FER1L6: variants seen among roughly 807,000 people sequenced by gnomAD.
FER1L6 encodes fer-1-like protein 6.
Under a neutral mutation model 219.2 loss-of-function variants are expected in FER1L6, and 177 were observed. The observed-to-expected ratio is 0.81, with a 90% CI of 0.71 to 0.91. The LOEUF is 0.91. Ranked by LOEUF, FER1L6 falls within the 40% of genes least tolerant of loss-of-function variation. The pLI, the probability that FER1L6 is intolerant of heterozygous loss-of-function variation, is 0.00. For synonymous variants in FER1L6, 768 were observed against 824.3 expected (o/e 0.93, Z 1.17); for missense variants, 2,153 against 2,259.9 (o/e 0.95, Z 0.96).
chr8:123,939,260 T>G, intron 1 of FER1L6: 1 of 905,364 alleles, frequency 1.1e-6, no homozygotes, highest in South Asian at 5.1e-5. Flanking sequence ...ACTTTTGTAT[T>G]TTTGATAAAT....
chr8:123,974,503 G>A (rs745515624), intron 7 of FER1L6, among the ~76,000 whole-genome samples: 4 of 151,464 alleles, frequency 2.6e-5, no homozygotes, highest in Non-Finnish European at 5.9e-5. Flanking sequence ...GGGCGTGATG[G>A]TGCACACCTG....
At chr8:124,041,794 T>C (rs1466267453) in intron 20 of FER1L6, among the ~76,000 whole-genome samples, 1 of 152,186 alleles carries the variant, frequency 6.6e-6, no homozygotes, top group Non-Finnish European at 1.5e-5. Flanking sequence ...TGAGAGTTAG[T>C]ATAGAGCATG....
intron 1 of FER1L6, among the ~76,000 whole-genome samples, chr8:123,906,411 T>A (rs186834723): frequency 1.3e-5 from 2 of 152,302 alleles, no homozygotes; most frequent in Admixed American, 1.3e-4. Flanking sequence ...ATATCCAATA[T>A]GGCTTATTCC....
chr8:124,017,520 C>A, intron 15 of FER1L6, 108 bp from the exon 16 acceptor site: 1 of 781,884 alleles, frequency 1.3e-6, no homozygotes, highest in South Asian at 2.0e-5. Flanking sequence ...GGTTTTATGG[C>A]TTCAAAAGCT....
chr8:124,089,878 T>G (rs1377224157), intron 33 of FER1L6, among the ~76,000 whole-genome samples: 1 of 152,236 alleles, frequency 6.6e-6, no homozygotes, highest in East Asian at 1.9e-4. Context: ...TTAGATATTC[T>G]TTATAATCAT....
chr8:124,010,803 C>T, intron 14 of FER1L6, 89 bp downstream of exon 14: 1 of 1,518,198 alleles, frequency 6.6e-7, no homozygotes, highest in Admixed American at 1.9e-5. Flanking sequence ...AGGATGTTGA[C>T]CTCAGTTCAA....
In FER1L6 at chr8:124,017,704, T is replaced by C. The variant is rs375955587; in HGVS notation, c.1999T>C (p.Cys667Arg). 18 of 1,613,454 alleles carry C rather than the reference T, an allele frequency of 1.1e-5. No homozygotes were observed. In the African/African-American group the frequency reaches 1.3e-4, roughly 12 times the overall value. The change falls in exon 16 of 41, where the codon TGC (cysteine) becomes CGC (arginine). Residue 667 changes from cysteine (C) to arginine (R), a missense_variant. Coordinates refer to ENST00000522917, the MANE Select transcript of FER1L6 (RefSeq NM_001039112.2). Reference sequence around the variant, plus strand: ...TTTAGATAAGAAGCGACTTACGCTCTGCTGGCAGGAGCTGGTATGTGAAAA... The same window carrying C: ...TTTAGATAAGAAGCGACTTACGCTCCGCTGGCAGGAGCTGGTATGTGAAAA... ...TTLDKKRLTL[C>R]WQELEAMCKE...
intron 22 of FER1L6, among the ~76,000 whole-genome samples, chr8:124,057,014 A>C (rs767887589): frequency 2.0e-5 from 3 of 152,192 alleles, no homozygotes; most frequent in South Asian, 4.1e-4. Context: ...TCTGCACTCC[A>C]GCCTGGGTGA....
intron 18 of FER1L6, among the ~76,000 whole-genome samples, chr8:124,025,392 C>A (rs900164517): frequency 2.0e-5 from 3 of 152,128 alleles, no homozygotes; most frequent in African/African-American, 7.2e-5. Context: ...CATTCTTCTA[C>A]ATGTGGCTAT....
At chr8:124,117,182 G>A (rs895627003) in intron 39 of FER1L6, among the ~76,000 whole-genome samples, 1 of 152,190 alleles carries the variant, frequency 6.6e-6, no homozygotes, top group African/African-American at 2.4e-5. Context: ...TGGTTGGCTT[G>A]TTGCCTGTGT....
intron 1 of FER1L6, among the ~76,000 whole-genome samples, chr8:123,880,189 C>G (rs2129658712): frequency 1.3e-5 from 2 of 152,280 alleles, no homozygotes; most frequent in South Asian, 4.2e-4. Flanking sequence ...TCCCTCCACT[C>G]TTCCCAGATG....
intron 1 of FER1L6, among the ~76,000 whole-genome samples, chr8:123,954,805 T>C (rs929487067): frequency 6.6e-6 from 1 of 152,216 alleles, no homozygotes; most frequent in African/African-American, 2.4e-5. Context: ...AGACTGTGAT[T>C]GTTCCGCTGC....
At chr8:123,966,425 T>A in intron 5 of FER1L6, 135 bp downstream of exon 5, 1 of 1,111,452 alleles carries the variant, frequency 9.0e-7, no homozygotes, top group South Asian at 1.6e-5. Context: ...CATGGCAAAC[T>A]GATTCTTCTT....
chr8:124,067,689 G>T, intron 27 of FER1L6, 78 bp from the exon 28 acceptor site: 1 of 1,256,352 alleles, frequency 8.0e-7, no homozygotes, highest in Admixed American at 1.8e-5. Flanking sequence ...TGGGAATGCA[G>T]AGGGCTGAGA....
At chr8:124,108,903 A>AAGGG (rs1242727252) in intron 39 of FER1L6, among the ~76,000 whole-genome samples, 7 of 151,354 alleles carry the variant, frequency 4.6e-5, no homozygotes, top group Non-Finnish European at 8.8e-5. Flanking sequence ...AGAAAAGAAA[A>AAGGG]AGGGAGGGAG....
At chr8:123,915,471 G>A (rs4355755) in intron 1 of FER1L6, among the ~76,000 whole-genome samples, 49,804 of 151,886 alleles carry the variant, frequency 0.33, 8,652 homozygotes, top group East Asian at 0.45. Context: ...TGTGAGTTCA[G>A]ACAAGGGACA....
At chr8:124,063,618 C>T (rs1820692589) in intron 25 of FER1L6, among the ~76,000 whole-genome samples, 1 of 152,158 alleles carries the variant, frequency 6.6e-6, no homozygotes, top group South Asian at 2.1e-4. Flanking sequence ...TCTGAGATTT[C>T]TAGTCTGTCT....
intron 16 of FER1L6, among the ~76,000 whole-genome samples, chr8:124,019,837 C>A (rs745996823): frequency 2.6e-5 from 4 of 152,104 alleles, no homozygotes; most frequent in Non-Finnish European, 4.4e-5. Flanking sequence ...TTCTAAGAAG[C>A]CACTGGGATC....
intron 12 of FER1L6, among the ~76,000 whole-genome samples, chr8:123,993,345 G>A (rs1033948619): frequency 6.6e-6 from 1 of 150,808 alleles, no homozygotes; most frequent in Non-Finnish European, 1.5e-5. Flanking sequence ...GGGAGGCTGA[G>A]GCAGGAGAAT....
Sources: allele counts gnomAD v4.1 joint callset (sites outside exome capture counted in the v4.1 genomes callset), GRCh38; gene constraint gnomAD v4.1.1; transcripts MANE v1.5; gene names NCBI Gene and HGNC (gene_info 2026-07-23, HGNC 2026-07-21).